CSMD1: variants seen among roughly 807,000 people sequenced by gnomAD.
CSMD1 encodes CUB and sushi domain-containing protein 1.
CSMD1 carries 213 observed loss-of-function variants against 417.5 expected under a neutral mutation model. The observed-to-expected ratio is 0.51, with a 90% confidence interval of 0.46 to 0.57. The LOEUF (loss-of-function observed/expected upper bound fraction) is 0.57, where lower values mean the gene tolerates loss of function less well. CSMD1 is among the 20% of genes least tolerant of loss of function. The pLI is 0.00. For synonymous variants in CSMD1, 2,862 were observed against 1,736.8 expected (o/e 1.65, Z -16.11); for missense variants, 6,923 against 4,529.7 (o/e 1.53, Z -15.17).
At chr8:3,774,011 T>C (rs1798763295) in intron 5 of CSMD1, among the ~76,000 whole-genome samples, 1 of 152,192 alleles carries the variant, frequency 6.6e-6, no homozygotes, top group Non-Finnish European at 1.5e-5. Flanking sequence ...ACTTACACAG[T>C]TGCTGCGCTA....
At chr8:3,315,855 G>A (rs1014482998) in intron 23 of CSMD1, among the ~76,000 whole-genome samples, 4 of 152,142 alleles carry the variant, frequency 2.6e-5, no homozygotes, top group African/African-American at 9.7e-5. Context: ...AGAATTTAAT[G>A]AGTCAATCTT....
rs1563196954 is a variant in CSMD1 at position 3,609,810 on chromosome 8, C to CG, written c.1097+6899_1097+6900insC. On this transcript the variant is annotated intron_variant, in intron 8 of 69. Coordinates refer to ENST00000635120, the MANE Select transcript of CSMD1 (RefSeq NM_033225.6). ...GAAAAGACTGTTAAAAAGTATCTTCCCTTTTTTTTTTTTTTTTTTTTTTTT... is the reference window on the plus strand; with the variant it reads ...GAAAAGACTGTTAAAAAGTATCTTCCGCTTTTTTTTTTTTTTTTTTTTTTTT... Among the ~76,000 whole-genome samples the CG allele has an allele frequency of 4.6e-5, 4 of 86,314 alleles. No homozygotes were observed. In the East Asian group the frequency reaches 1.2e-3, roughly 27 times the overall value. The allele number at this position is 86,314 out of a possible 152,430, so 56.6% of individuals were successfully genotyped here. A position where few individuals can be genotyped will look rare whatever the true frequency, so the allele number is the denominator to read the frequency against.
intron 1 of CSMD1, among the ~76,000 whole-genome samples, chr8:4,661,159 C>A (rs1387483852): frequency 6.6e-6 from 1 of 152,104 alleles, no homozygotes; most frequent in Non-Finnish European, 1.5e-5. Context: ...CAAAAACCTG[C>A]ACATGAAATT....
intron 54 of CSMD1, among the ~76,000 whole-genome samples, chr8:2,982,922 G>A (rs973811537): frequency 1.3e-5 from 2 of 152,102 alleles, no homozygotes; most frequent in Non-Finnish European, 2.9e-5. Flanking sequence ...TAAGCTGAAG[G>A]GCAGTAACAG....
intron 3 of CSMD1, among the ~76,000 whole-genome samples, chr8:4,209,651 T>C (rs907235987): frequency 2.0e-5 from 3 of 152,080 alleles, no homozygotes; most frequent in African/African-American, 4.8e-5. Context: ...CTGGGAGGGT[T>C]GTTGGCTTCA....
At chr8:3,786,111 G>C (rs923796958) in intron 5 of CSMD1, among the ~76,000 whole-genome samples, 1 of 152,122 alleles carries the variant, frequency 6.6e-6, no homozygotes, top group African/African-American at 2.4e-5. Context: ...TGTAGTTTGT[G>C]AATCAAATAG....
At chr8:4,063,962 C>A (rs936484160) in intron 3 of CSMD1, among the ~76,000 whole-genome samples, 1 of 151,976 alleles carries the variant, frequency 6.6e-6, no homozygotes, top group South Asian at 2.1e-4. Context: ...AAATATTAAA[C>A]AAAAAGAGAG....
intron 1 of CSMD1, among the ~76,000 whole-genome samples, chr8:4,692,938 A>T (rs760057757): frequency 6.6e-5 from 10 of 152,190 alleles, no homozygotes; most frequent in Non-Finnish European, 1.2e-4. Context: ...CCTCATTGAC[A>T]GTGGGCCAAT....
intron 1 of CSMD1, among the ~76,000 whole-genome samples, chr8:4,646,431 G>C (rs894506047): frequency 5.3e-5 from 8 of 152,122 alleles, no homozygotes; most frequent in Admixed American, 3.9e-4. Flanking sequence ...GGCAGTGAAT[G>C]AATGTAGTAA....
intron 8 of CSMD1, among the ~76,000 whole-genome samples, chr8:3,589,991 G>C (rs929315413): frequency 2.0e-5 from 3 of 152,046 alleles, no homozygotes; most frequent in African/African-American, 7.2e-5. Context: ...AGACATTAGA[G>C]TGTCCAACAA....
At chr8:4,884,910 G>A (rs570998794) in intron 1 of CSMD1, among the ~76,000 whole-genome samples, 22 of 152,150 alleles carry the variant, frequency 1.4e-4, no homozygotes, top group African/African-American at 4.8e-4. Flanking sequence ...ATAGATATAG[G>A]TATTGCATTG....
At position 4,015,607 on chromosome 8, in the gene CSMD1, T is replaced by C. The variant is rs966386941; in HGVS notation, c.610+16298A>G. 2.0e-5 allele frequency among the ~76,000 whole-genome samples: 3 copies of C among 146,602 alleles called. No homozygotes were observed. In the Admixed American group the frequency reaches 2.1e-4, roughly 10 times the overall value. On this transcript the variant is annotated intron_variant, in intron 4 of 69. Coordinates refer to ENST00000635120, the MANE Select transcript of CSMD1 (RefSeq NM_033225.6). ...GGCATCTTGGCCCAATGACTATCAT[T>C]CAGTCTCCAAGAAATACAACAGTCT...
chr8:3,809,235 T>C (rs1005799891), intron 5 of CSMD1, among the ~76,000 whole-genome samples: 2 of 152,162 alleles, frequency 1.3e-5, no homozygotes, highest in South Asian at 4.1e-4. Flanking sequence ...TCACTTCATC[T>C]AAAAAGACTT....
At chr8:3,697,656 T>G (rs773526292) in intron 7 of CSMD1, among the ~76,000 whole-genome samples, 1 of 152,180 alleles carries the variant, frequency 6.6e-6, no homozygotes, top group Non-Finnish European at 1.5e-5. Flanking sequence ...CAAACATGAA[T>G]CATTCATAAT....
At chr8:3,295,570 C>T (rs1021350898) in intron 25 of CSMD1, among the ~76,000 whole-genome samples, 4 of 152,326 alleles carry the variant, frequency 2.6e-5, no homozygotes, top group South Asian at 2.1e-4. Context: ...AATTTTGACA[C>T]GTGGTACCGC....
chr8:4,218,558 G>A (rs530102040), intron 3 of CSMD1, among the ~76,000 whole-genome samples: 2 of 152,100 alleles, frequency 1.3e-5, no homozygotes, highest in Non-Finnish European at 2.9e-5. Context: ...TCTGAGTCAA[G>A]TTGTCTATGT....
At position 3,572,863 on chromosome 8, in the gene CSMD1, C is replaced by A. The variant is rs140862465; in HGVS notation, c.1344+2082G>T. On this transcript the variant is annotated intron_variant, in intron 10 of 69. Transcript: ENST00000635120. ...GTTCAGCTATTTCCTCTGTAAAGTT[C>A]TACTATCTAACCTTCAGAACTTTTC... Among the ~76,000 whole-genome samples the A allele has an allele frequency of 1.0e-3, 153 of 152,264 alleles. 1 individual carries two copies. Among genetic ancestry groups the A allele is most frequent in the Admixed American group, 8.9e-3 (136 of 15,296 alleles).
chr8:4,803,570 T>G (rs1354489738), intron 1 of CSMD1, among the ~76,000 whole-genome samples: 1 of 152,114 alleles, frequency 6.6e-6, no homozygotes, highest in African/African-American at 2.4e-5. Context: ...ATTTATAAAA[T>G]CGAAAGCCAG....
chr8:3,172,003 T>G (rs1025579968), intron 37 of CSMD1, among the ~76,000 whole-genome samples: 1 of 152,188 alleles, frequency 6.6e-6, no homozygotes, highest in Non-Finnish European at 1.5e-5. Context: ...GATATTATAT[T>G]TAATGAAAGT....
Sources: allele counts gnomAD v4.1 joint callset (sites outside exome capture counted in the v4.1 genomes callset), GRCh38; gene constraint gnomAD v4.1.1; transcripts MANE v1.5; gene names NCBI Gene and HGNC (gene_info 2026-07-23, HGNC 2026-07-21).